DENND4C: variants seen among roughly 807,000 people sequenced by gnomAD.
The protein encoded by DENND4C is DENN domain containing 4C, also known as DENN domain-containing protein 4C.
In DENND4C, 108 loss-of-function variants were observed where a neutral mutation model predicts 203.0. The observed-to-expected ratio is 0.53, with a 90% CI of 0.46 to 0.62. The LOEUF is 0.62. Ranked by LOEUF, DENND4C falls within the 20% of genes least tolerant of loss-of-function variation. DENND4C has a pLI of 0.00. For synonymous variants in DENND4C, 871 were observed against 792.4 expected, an observed-to-expected ratio of 1.10 and a Z score of -1.67; for missense variants, 2,481 against 2,301.2, an observed-to-expected ratio of 1.08 and a Z score of -1.60.
At chr9:19,335,241 A>C (rs1028625657) in intron 18 of DENND4C, 136 bp downstream of exon 18, 5 of 443,752 alleles carry the variant, frequency 1.1e-5, no homozygotes, top group Non-Finnish European at 1.7e-5. Context: ...AATTATTAAA[A>C]ATTGACAAAA....
chr9:19,337,435 A>C (rs1820731527), intron 20 of DENND4C, among the ~76,000 whole-genome samples: 1 of 152,130 alleles, frequency 6.6e-6, no homozygotes, highest in South Asian at 2.1e-4. Flanking sequence ...TTAATATCTC[A>C]AGCCTTCCTT....
At chr9:19,282,580 G>C (rs1446608896) in intron 2 of DENND4C, among the ~76,000 whole-genome samples, 1 of 85,166 alleles carries the variant, frequency 1.2e-5, no homozygotes, top group East Asian at 3.9e-4. Flanking sequence ...AAAAAATAAT[G>C]GGGTCTTGCC....
intron 20 of DENND4C, among the ~76,000 whole-genome samples, chr9:19,337,902 A>C (rs1263211849): frequency 6.6e-6 from 1 of 152,220 alleles, no homozygotes; most frequent in Non-Finnish European, 1.5e-5. Context: ...ATGCCTTGCT[A>C]AAATTCTTAT....
chr9:19,348,692 A>T (rs1823438280), intron 23 of DENND4C, among the ~76,000 whole-genome samples: 1 of 152,230 alleles, frequency 6.6e-6, no homozygotes, highest in Non-Finnish European at 1.5e-5. Context: ...TGAACATTAT[A>T]AATTAACTAT....
chr9:19,373,590 TTTA>T lies in DENND4C; in HGVS notation c.*1421_*1423del, dbSNP rs1829192120. The T allele has an allele frequency of 2.6e-5, 4 of 152,762 alleles. No homozygotes were observed. The highest frequency in any genetic ancestry group is 2.6e-4 in the Admixed American group (4 of 15,308). The allele number at this position is 152,762 out of a possible 1,614,324, so 9.5% of individuals were successfully genotyped here. On this transcript the variant is annotated 3_prime_UTR_variant, in exon 33 of 33. Coordinates refer to ENST00000434457, the MANE Select transcript of DENND4C (RefSeq NM_001330640.2). Reference sequence around the variant, plus strand: ...ATCAATTAAGTCTTAAAACTGTAAATTTATTAAGCTTGTTGCCAGTAGGTTTAA... The same window carrying T: ...ATCAATTAAGTCTTAAAACTGTAAATTTAAGCTTGTTGCCAGTAGGTTTAA...
rs768139360 is a variant in DENND4C, at chr9:19,374,101, T to C, written c.*1928T>C. 2.0e-5 allele frequency among the ~76,000 whole-genome samples: 3 copies of C among 152,232 alleles called. No homozygotes were observed. Among genetic ancestry groups the C allele is most frequent in the Admixed American group, 6.5e-5 (1 of 15,284 alleles). The stretch of plus-strand genomic sequence containing the variant: ...TTTGGAATTACCTTGCATATAAAAA[T>C]TGAGGTTGAATAAAATGAAAAATTG... On this transcript the variant is annotated 3_prime_UTR_variant, in exon 33 of 33. Transcript: ENST00000434457.
At chr9:19,233,037 TAA>T (rs5896836) in intron 1 of DENND4C, among the ~76,000 whole-genome samples, 9 of 141,762 alleles carry the variant, frequency 6.3e-5, no homozygotes, top group African/African-American at 7.8e-5. Flanking sequence ...GCTGCCTGAT[TAA>T]AAAAAAAAAA....
rs969191629 is a variant in DENND4C at position 19,276,442 on chromosome 9, A to G, written c.268A>G (p.Lys90Glu). The G allele has an allele frequency of 1.9e-5, 23 of 1,232,010 alleles. No homozygotes were observed. Among genetic ancestry groups the G allele is most frequent in the Non-Finnish European group, 2.1e-5 (21 of 987,960 alleles). 76.3% of individuals were successfully genotyped at this position (1,232,010 alleles called of 1,614,324 possible). A position where few individuals can be genotyped will look rare whatever the true frequency, so the allele number is the denominator to read the frequency against. The part of the protein sequence containing the change: ...LKSPELFLCY[K>E]RGRDKPPLTD... ...AAGCCCAGAACTTTTCCTCTGTTAT[A>G]AGAGAGGGAGAGATAAACCACCGCT... Residue 90 changes from lysine to glutamate, a missense_variant, in exon 2 of 33, where the codon AAG (lysine) becomes GAG (glutamate). Around this residue, in one of 3 missense-constraint regions of DENND4C, gnomAD observed 187 missense variants for 167.4 expected, o/e 1.12. Transcript: ENST00000434457.
chr9:19,350,708 A>C lies in DENND4C; in HGVS notation c.4324A>C (p.Thr1442Pro), dbSNP rs1165676986. 17 of 1,606,170 alleles carry C rather than the reference A, an allele frequency of 1.1e-5. No individual in the cohort carries two copies. The highest frequency in any genetic ancestry group is 1.4e-5 in the Non-Finnish European group (16 of 1,177,914). Reference protein sequence around the residue: ...AYSYSDDEEETNRDYSFPAGL... With the variant: ...AYSYSDDEEEPNRDYSFPAGL... ...TTTTTTTTTTCAATTAAAGGAAGAA[A>C]CTAATAGAGACTACAGCTTCCCAGC... is the stretch of plus-strand genomic sequence containing the variant. Residue 1442 changes from threonine (T) to proline (P), a missense_variant, in exon 24 of 33, where the codon ACT (threonine) becomes CCT (proline). Transcript: ENST00000434457.
intron 2 of DENND4C, among the ~76,000 whole-genome samples, chr9:19,277,660 G>T (rs1833156154): frequency 6.6e-6 from 1 of 152,068 alleles, no homozygotes; most frequent in Non-Finnish European, 1.5e-5. Context: ...GTGTGTGTGT[G>T]TGTGTAATTA....
chr9:19,249,145 A>T (rs1292146484), intron 1 of DENND4C, among the ~76,000 whole-genome samples: 2 of 151,912 alleles, frequency 1.3e-5, no homozygotes, highest in African/African-American at 4.8e-5. Flanking sequence ...TCCAACCGTA[A>T]TATAAGCTCC....
intron 5 of DENND4C, 149 bp from the exon 6 acceptor site, chr9:19,295,859 G>C: frequency 1.7e-6 from 1 of 594,214 alleles, no homozygotes; most frequent in Non-Finnish European, 2.8e-6. Flanking sequence ...GGTTATCTCT[G>C]GGACAGAAAT....
At chr9:19,263,055 A>G (rs1366241799) in intron 1 of DENND4C, among the ~76,000 whole-genome samples, 1 of 152,184 alleles carries the variant, frequency 6.6e-6, no homozygotes, top group East Asian at 1.9e-4. Context: ...TAAATGGGGA[A>G]AACAGTCTGT....
At chr9:19,290,307 G>C (rs1836032517) in intron 4 of DENND4C, among the ~76,000 whole-genome samples, 1 of 152,148 alleles carries the variant, frequency 6.6e-6, no homozygotes, top group African/African-American at 2.4e-5. Flanking sequence ...TGTTGCCTCA[G>C]CATTATTTCA....
intron 31 of DENND4C, 43 bp from the exon 32 acceptor site, chr9:19,371,713 A>G (rs1828866033): frequency 9.9e-7 from 1 of 1,011,462 alleles, no homozygotes; most frequent in Non-Finnish European, 1.5e-6. Flanking sequence ...CTGTGTTTTT[A>G]TGCTATTTGC....
chr9:19,298,041 A>C lies in DENND4C; in HGVS notation c.1041-15A>C. On this transcript the variant is annotated splice_polypyrimidine_tract_variant and intron_variant, in intron 6 of 32. Transcript: ENST00000434457. The stretch of plus-strand genomic sequence containing the variant: ...AAAAGTAATTATTATATTTATTTCA[A>C]ATTTTTTTTTCTAGGCACATTTCAC... 3 of 1,592,886 alleles carry C rather than the reference A, an allele frequency of 1.9e-6. No homozygotes were observed. In the South Asian group the frequency reaches 3.4e-5, roughly 18 times the overall value.
intron 12 of DENND4C, among the ~76,000 whole-genome samples, chr9:19,319,381 C>T (rs1470343857): frequency 4.4e-5 from 6 of 135,294 alleles, no homozygotes; most frequent in African/African-American, 1.8e-4. Flanking sequence ...TATACACATA[C>T]ATATATATAT....
chr9:19,340,190 C>G (rs1821298951), intron 20 of DENND4C, among the ~76,000 whole-genome samples: 1 of 142,000 alleles, frequency 7.0e-6, no homozygotes, highest in East Asian at 1.9e-4. Flanking sequence ...GTTACTGCTT[C>G]TAAACTTTTT....
chr9:19,361,427 G>A (rs1826473681), intron 29 of DENND4C, among the ~76,000 whole-genome samples: 1 of 152,094 alleles, frequency 6.6e-6, no homozygotes, highest in Non-Finnish European at 1.5e-5. Flanking sequence ...TATTTTATAG[G>A]ATTAATATTG....
Sources: gnomAD v4.1 joint callset for allele counts (sites outside exome capture counted in the v4.1 genomes callset) on GRCh38, gnomAD v4.1.1 for gene constraint, gnomAD v4.1.1 regional missense constraint, MANE v1.5 for transcripts, NCBI Gene and HGNC (gene_info 2026-07-23, HGNC 2026-07-21) for gene names.